IMPG2: variants seen among roughly 807,000 people sequenced by gnomAD.
IMPG2 encodes IPM 200.
A neutral mutation model predicts 129.2 loss-of-function variants in IMPG2; 91 were observed. The observed-to-expected ratio is 0.70, with a 90% CI of 0.59 to 0.84. The LOEUF is 0.84. Ranked by LOEUF, IMPG2 falls within the 40% of genes least tolerant of loss-of-function variation. The probability of loss-of-function intolerance (pLI) is 0.00; values close to 1 mark genes in which losing one functional copy is unlikely to be tolerated. For missense variants in IMPG2, 1,430 were observed against 1,461.7 expected (o/e 0.98, Z 0.35); for synonymous variants, 510 against 517.7 (o/e 0.99, Z 0.20).
chr3:101,320,217 A>G (rs905854863), intron 1 of IMPG2, 71 bp downstream of exon 1: 71 of 900,074 alleles, frequency 7.9e-5, no homozygotes, highest in Non-Finnish European at 1.2e-4. Context: ...AATCACATCA[A>G]ATAATCCTAT....
intron 7 of IMPG2, 63 bp downstream of exon 7, chr3:101,273,518 G>A (rs2107250912): frequency 3.3e-6 from 5 of 1,524,054 alleles, no homozygotes; most frequent in Admixed American, 1.7e-5. Context: ...AAACAGTGTT[G>A]TGAATATAGG....
chr3:101,302,052 A>AT (rs1707144563), intron 3 of IMPG2, among the ~76,000 whole-genome samples: 1 of 152,116 alleles, frequency 6.6e-6, no homozygotes, highest in African/African-American at 2.4e-5. Flanking sequence ...ATTCCCTACA[A>AT]ACACTTGGCT....
At chr3:101,282,611 A>C (rs954209115) in intron 4 of IMPG2, among the ~76,000 whole-genome samples, 13 of 152,150 alleles carry the variant, frequency 8.5e-5, no homozygotes, top group African/African-American at 3.1e-4. Flanking sequence ...CAACATGATT[A>C]ATATATTAAG....
rs1024612746 is a variant in IMPG2 at position 101,225,712 on chromosome 3, T to C, written c.*1257A>G. Reference sequence around the variant, plus strand: ...GCATGAAGACATCTAGCATAAAGTATCTGCATTAATAATAACCTATTGCAT... The same window carrying C: ...GCATGAAGACATCTAGCATAAAGTACCTGCATTAATAATAACCTATTGCAT... On this transcript the variant is annotated 3_prime_UTR_variant, in exon 19 of 19. Coordinates refer to ENST00000193391, the MANE Select transcript of IMPG2 (RefSeq NM_016247.4). 2.0e-5 allele frequency: 3 copies of C among 152,168 alleles called. No homozygotes were observed. The highest frequency in any genetic ancestry group is 6.5e-5 in the Admixed American group (1 of 15,282). 9.4% of individuals were successfully genotyped at this position (152,168 alleles called of 1,614,324 possible). A position where few individuals can be genotyped will look rare whatever the true frequency, so the allele number is the denominator to read the frequency against.
intron 10 of IMPG2, among the ~76,000 whole-genome samples, chr3:101,255,130 G>A (rs575261893): frequency 6.6e-6 from 1 of 152,028 alleles, no homozygotes; most frequent in African/African-American, 2.4e-5. Flanking sequence ...CCAAGCCTCA[G>A]GTTATTTATA....
chr3:101,299,225 GTT>G (rs1402245465), intron 3 of IMPG2, among the ~76,000 whole-genome samples: 1 of 152,158 alleles, frequency 6.6e-6, no homozygotes, highest in Non-Finnish European at 1.5e-5. Flanking sequence ...CTCATGCTGT[GTT>G]TTTGAGCTCC....
At chr3:101,296,400 C>T (rs1489771290) in intron 3 of IMPG2, among the ~76,000 whole-genome samples, 1 of 152,148 alleles carries the variant, frequency 6.6e-6, no homozygotes, top group Non-Finnish European at 1.5e-5. Context: ...AGCCTTGAAT[C>T]CCAGGGATGA....
At chr3:101,285,965 T>C (rs896450263) in intron 4 of IMPG2, among the ~76,000 whole-genome samples, 4 of 152,124 alleles carry the variant, frequency 2.6e-5, no homozygotes, top group Admixed American at 6.6e-5. Flanking sequence ...CAAAGAAAAC[T>C]GATTTTTTAA....
At position 101,227,912 on chromosome 3, in the gene IMPG2, C is replaced by T. The variant is rs927713468; in HGVS notation, c.3713+885G>A. ...AAAGGGGCAGGTGTTCCACTCAGGG[C>T]CATGGGTGTTATTGTGACCCTTCAT... On this transcript the variant is annotated intron_variant, in intron 18 of 18. Transcript: ENST00000193391. 4.0e-5 allele frequency: 18 copies of T among 454,846 alleles called. No individual in the cohort carries two copies. The East Asian group carries it at 9.0e-4, about 23-fold the overall frequency. The allele number at this position is 454,846 out of a possible 1,614,324, so 28.2% of individuals were successfully genotyped here.
intron 17 of IMPG2, 51 bp downstream of exon 17, chr3:101,229,329 C>G (rs375667296): frequency 7.1e-7 from 1 of 1,416,202 alleles, no homozygotes; most frequent in Admixed American, 1.7e-5. Flanking sequence ...TGCTCCCCCA[C>G]ACACACACCA....
At chr3:101,232,696 T>G in intron 15 of IMPG2, 85 bp downstream of exon 15, 1 of 1,088,582 alleles carries the variant, frequency 9.2e-7, no homozygotes, top group Non-Finnish European at 1.4e-6. Context: ...CTATAATAAG[T>G]ATCCTAAAAT....
rs762880300 is a variant in IMPG2, at chr3:101,226,783, G to A, written c.*186C>T. ...ATTCAGTCTTTATAGAAATAAAAATGGTAACATCTCTTACTACATTCTGAA... is the reference window on the plus strand; with the variant it reads ...ATTCAGTCTTTATAGAAATAAAAATAGTAACATCTCTTACTACATTCTGAA... On this transcript the variant is annotated 3_prime_UTR_variant, in exon 19 of 19. Coordinates refer to ENST00000193391, the MANE Select transcript of IMPG2 (RefSeq NM_016247.4). 59 of 601,574 alleles carry A rather than the reference G, an allele frequency of 9.8e-5. No homozygotes were observed. The highest frequency in any genetic ancestry group is 4.2e-4 in the Middle Eastern group (1 of 2,394). 37.3% of individuals were successfully genotyped at this position (601,574 alleles called of 1,614,324 possible). A position where few individuals can be genotyped will look rare whatever the true frequency, so the allele number is the denominator to read the frequency against.
At chr3:101,315,163 C>G (rs541761567) in intron 2 of IMPG2, among the ~76,000 whole-genome samples, 1 of 152,218 alleles carries the variant, frequency 6.6e-6, no homozygotes, top group African/African-American at 2.4e-5. Context: ...AACCTTTAAT[C>G]GAAACACAGA....
At chr3:101,289,146 T>G (rs1706978224) in intron 4 of IMPG2, among the ~76,000 whole-genome samples, 1 of 152,114 alleles carries the variant, frequency 6.6e-6, no homozygotes. Context: ...ACATGGTAGG[T>G]TTTTCAAGAA....
chr3:101,264,321 A>C (rs1484253467), intron 9 of IMPG2, among the ~76,000 whole-genome samples: 2 of 152,164 alleles, frequency 1.3e-5, no homozygotes. Flanking sequence ...TAGCAAATCA[A>C]ATCCAATAGC....
At chr3:101,307,015 C>T (rs1707212408) in intron 2 of IMPG2, among the ~76,000 whole-genome samples, 1 of 152,090 alleles carries the variant, frequency 6.6e-6, no homozygotes, top group South Asian at 2.1e-4. Flanking sequence ...GTATTTAGGG[C>T]ACTGAAATAA....
chr3:101,269,287 A>G (rs2107246145), intron 8 of IMPG2, among the ~76,000 whole-genome samples: 1 of 152,322 alleles, frequency 6.6e-6, no homozygotes, highest in East Asian at 1.9e-4. Context: ...TTCTTAACCT[A>G]GCCAATTTTA....
At chr3:101,300,141 G>A (rs771227994) in intron 3 of IMPG2, among the ~76,000 whole-genome samples, 1 of 152,220 alleles carries the variant, frequency 6.6e-6, no homozygotes, top group African/African-American at 2.4e-5. Flanking sequence ...CCAGTGAGCA[G>A]GGACATGTCA....
At position 101,245,850 on chromosome 3, in the gene IMPG2, G is replaced by T. The variant is rs143635399; in HGVS notation, c.1495C>A (p.Pro499Thr). ...VTPAVLQTGL[P>T]VASEERTSGS... ...GAAGTCCTTTCCTCAGAAGCCACAG[G>T]CAAGCCAGTCTGAAGCACTGCCGGG... is the stretch of plus-strand genomic sequence containing the variant. Residue 499 changes from proline to threonine, a missense_variant, in exon 12 of 19, where the codon CCT (proline) becomes ACT (threonine). Coordinates refer to ENST00000193391, the MANE Select transcript of IMPG2 (RefSeq NM_016247.4). The T allele has an allele frequency of 4.3e-4, 691 of 1,614,144 alleles. 1 individual carries two copies. The highest frequency in any genetic ancestry group is 5.4e-4 in the Non-Finnish European group (638 of 1,180,024).
Sources: allele counts gnomAD v4.1 joint callset (sites outside exome capture counted in the v4.1 genomes callset), GRCh38; gene constraint gnomAD v4.1.1; transcripts MANE v1.5; gene names NCBI Gene and HGNC (gene_info 2026-07-23, HGNC 2026-07-21).